The following FBN2 variants were observed in gnomAD, a reference collection of about 807,000 sequenced individuals.
The protein encoded by FBN2 is fibrillin-2.
A neutral mutation model predicts 355.6 loss-of-function variants in FBN2; 105 were observed. The ratio of observed to expected loss-of-function variants is 0.30; its 90% CI spans 0.25 to 0.35. FBN2 has a LOEUF of 0.35. Ranked by LOEUF, FBN2 falls within the 10% of genes least tolerant of loss-of-function variation. The pLI is 1.00. For synonymous variants in FBN2, 1,350 were observed against 1,301.2 expected, an observed-to-expected ratio of 1.04 and a Z score of -0.81; for missense variants, 3,280 against 3,758.7, an observed-to-expected ratio of 0.87 and a Z score of 3.33.
intron 11 of FBN2, among the ~76,000 whole-genome samples, chr5:128,379,138 T>C (rs1170833091): frequency 6.6e-6 from 1 of 152,146 alleles, no homozygotes. Context: ...TTAAAGATTT[T>C]TCAGTTGGAA....
rs1389826094 is a variant in FBN2, at chr5:128,357,269, A to G, written c.2674+7T>C. The stretch of plus-strand genomic sequence containing the variant: ...ATTGAAGCATCAGTATTGTGTATGA[A>G]TCTTACCAATACAGATCAATCCTGT... On this transcript the variant is annotated splice_region_variant and intron_variant, in intron 20 of 64. Coordinates refer to ENST00000262464, the MANE Select transcript of FBN2 (RefSeq NM_001999.4). 1 of 1,613,784 alleles carries G rather than the reference A, an allele frequency of 6.2e-7. No individual in the cohort carries two copies. Among genetic ancestry groups the G allele is most frequent in the Non-Finnish European group, 8.5e-7 (1 of 1,179,708 alleles).
chr5:128,329,133 G>A (rs955971317), intron 33 of FBN2, among the ~76,000 whole-genome samples: 3 of 152,072 alleles, frequency 2.0e-5, no homozygotes, highest in African/African-American at 7.2e-5. Flanking sequence ...TCAGTAGTAT[G>A]CCAACATTAT....
Position 128,393,305 on chromosome 5 carries a change from G to T in FBN2, c.1295C>A (p.Ser432Tyr), listed in dbSNP as rs1324648329. The T allele has an allele frequency of 3.7e-6, 6 of 1,614,172 alleles. No homozygotes were observed. The highest frequency in any genetic ancestry group is 5.1e-6 in the Non-Finnish European group (6 of 1,180,022). Residue 432 changes from serine (S) to tyrosine (Y), a missense_variant, in exon 10 of 65, where the codon TCC (serine) becomes TAC (tyrosine). Coordinates refer to ENST00000262464, the MANE Select transcript of FBN2 (RefSeq NM_001999.4). Reference protein sequence around the residue: ...PMGGIPGSAGSRPGGTGGNGF... With the variant: ...PMGGIPGSAGYRPGGTGGNGF... ...ATTTCCCCCAGTGCCTCCAGGTCTG[G>T]AACCAGCACTCCCTGGAATTCCTCC...
In FBN2 at chr5:128,331,826, C is replaced by A. The variant is rs368738643; in HGVS notation, c.4222+1086G>T. 1.3e-5 allele frequency among the ~76,000 whole-genome samples: 2 copies of A among 152,068 alleles called. 1 individual carries two copies. The highest frequency in any genetic ancestry group is 4.1e-4 in the South Asian group (2 of 4,832). On this transcript the variant is annotated intron_variant, in intron 32 of 64. Coordinates refer to ENST00000262464, the MANE Select transcript of FBN2 (RefSeq NM_001999.4). ...ACAGCTGAATGTCTTGTATCAGAGGCAGGCTGTTTTGCAATAGTTGGCCAA... is the reference window on the plus strand; with the variant it reads ...ACAGCTGAATGTCTTGTATCAGAGGAAGGCTGTTTTGCAATAGTTGGCCAA...
intron 7 of FBN2, among the ~76,000 whole-genome samples, chr5:128,412,310 T>C (rs1753089924): frequency 6.6e-6 from 1 of 152,228 alleles, no homozygotes; most frequent in Non-Finnish European, 1.5e-5. Flanking sequence ...GGGAGCAAAA[T>C]GGATACAGCA....
chr5:128,446,415 A>C (rs537866001), intron 7 of FBN2, 66 bp downstream of exon 7: 1 of 1,553,940 alleles, frequency 6.4e-7, no homozygotes, highest in Non-Finnish European at 8.8e-7. Flanking sequence ...AAAATTTCAA[A>C]TGAAGTCCTG....
intron 5 of FBN2, among the ~76,000 whole-genome samples, chr5:128,470,167 T>C (rs1484704921): frequency 2.0e-5 from 3 of 152,022 alleles, no homozygotes; most frequent in Non-Finnish European, 1.5e-5. Flanking sequence ...CAACAGGAGA[T>C]TGTACTCCCA....
Position 128,259,847 on chromosome 5 carries a change from A to G in FBN2, c.8365-18T>C. On this transcript the variant is annotated intron_variant, in intron 64 of 64. Coordinates refer to ENST00000262464, the MANE Select transcript of FBN2 (RefSeq NM_001999.4). ...TGTTCAACCTGGAGGAAGAACAGGA[A>G]ATGATTTGGGACAAGCTTCTACAGC... The G allele has an allele frequency of 6.2e-7, 1 of 1,613,074 alleles. No individual in the cohort carries two copies. Among genetic ancestry groups the G allele is most frequent in the Non-Finnish European group, 8.5e-7 (1 of 1,179,770 alleles).
At position 128,335,542 on chromosome 5, in the gene FBN2, C is replaced by T. The variant is rs757213689; in HGVS notation, c.3760G>A (p.Asp1254Asn). ...DECMIMNGGCDTQCTNSEGSY... is the reference protein window; with the variant it reads ...DECMIMNGGCNTQCTNSEGSY... ...CCCTCTGAATTTGTGCACTGGGTGT[C>T]ACAGCCTCCGTTCATTATCATACAT... Residue 1254 changes from aspartate to asparagine, a missense_variant, in exon 29 of 65, where the codon GAC (aspartate) becomes AAC (asparagine). Asp to Asn is a conservative substitution (Grantham distance 23, BLOSUM62 1). Coordinates refer to ENST00000262464, the MANE Select transcript of FBN2 (RefSeq NM_001999.4). 1.2e-6 allele frequency: 2 copies of T among 1,614,116 alleles called. No individual in the cohort carries two copies. The highest frequency in any genetic ancestry group is 1.7e-6 in the Non-Finnish European group (2 of 1,179,960).
chr5:128,468,577 C>T (rs889341072), intron 5 of FBN2, among the ~76,000 whole-genome samples: 1 of 152,170 alleles, frequency 6.6e-6, no homozygotes, highest in Admixed American at 6.6e-5. Flanking sequence ...TTTATATTCT[C>T]CTCAGCAATG....
chr5:128,298,081 C>A (rs6889642), intron 48 of FBN2, among the ~76,000 whole-genome samples: 6,190 of 149,196 alleles, frequency 0.041, 388 homozygotes, highest in African/African-American at 0.15. Flanking sequence ...TATTTTATTT[C>A]TCCTTCACTT....
chr5:128,529,652 A>G (rs1756653911), intron 3 of FBN2, among the ~76,000 whole-genome samples: 1 of 152,228 alleles, frequency 6.6e-6, no homozygotes, highest in South Asian at 2.1e-4. Context: ...CCAAAGGCAA[A>G]TATGAGAAAA....
rs959406454 is a variant in FBN2, at chr5:128,351,129, T to A, written c.2675-124A>T. ...AAAGATTACTGGCTCACGCCTGTAA[T>A]CCCAGCACTTTGGGAGGCTGAGGAG... On this transcript the variant is annotated intron_variant, in intron 20 of 64. Coordinates refer to ENST00000262464, the MANE Select transcript of FBN2 (RefSeq NM_001999.4). 5 of 1,182,400 alleles carry A rather than the reference T, an allele frequency of 4.2e-6. No individual in the cohort carries two copies. In the African/African-American group the frequency reaches 7.6e-5, roughly 18 times the overall value. 73.2% of individuals were successfully genotyped at this position (1,182,400 alleles called of 1,614,324 possible). A position where few individuals can be genotyped will look rare whatever the true frequency, so the allele number is the denominator to read the frequency against.
At chr5:128,381,769 T>C (rs1233262858) in intron 11 of FBN2, among the ~76,000 whole-genome samples, 1 of 152,086 alleles carries the variant, frequency 6.6e-6, no homozygotes, top group Non-Finnish European at 1.5e-5. Flanking sequence ...TCAGCTAAGC[T>C]AGGTAGGCTG....
rs558215699 is a variant in FBN2 at position 128,327,669 on chromosome 5, G to A, written c.4471+1027C>T. On this transcript the variant is annotated intron_variant, in intron 34 of 64. Coordinates refer to ENST00000262464, the MANE Select transcript of FBN2 (RefSeq NM_001999.4). Reference sequence around the variant, plus strand: ...TGTTTTTTTTTTTAGACTGAGTTTCGCTCTTGTTGTCCAGTCTGTAGTGCA... The same window carrying A: ...TGTTTTTTTTTTTAGACTGAGTTTCACTCTTGTTGTCCAGTCTGTAGTGCA... Among the ~76,000 whole-genome samples the A allele has an allele frequency of 5.4e-5, 8 of 148,116 alleles. No individual in the cohort carries two copies. In the South Asian group the frequency reaches 1.3e-3, roughly 24 times the overall value.
chr5:128,455,310 A>C (rs1359008758), intron 6 of FBN2, among the ~76,000 whole-genome samples: 1 of 152,354 alleles, frequency 6.6e-6, no homozygotes, highest in East Asian at 1.9e-4. Flanking sequence ...ATATGAGTTA[A>C]CTTTGGTCCT....
intron 11 of FBN2, among the ~76,000 whole-genome samples, chr5:128,379,251 G>C (rs1438021764): frequency 1.3e-5 from 2 of 152,118 alleles, no homozygotes; most frequent in South Asian, 2.1e-4. Flanking sequence ...CTAAGGCTTA[G>C]TAAAGTGCCA....
At position 128,259,189 on chromosome 5, in the gene FBN2, G is replaced by T; in HGVS notation, c.*266C>A. Reference sequence around the variant, plus strand: ...ATTTAGTGCCATATGCTGATATCTTGAACATTTAGGTTTCTTTTAATATAT... The same window carrying T: ...ATTTAGTGCCATATGCTGATATCTTTAACATTTAGGTTTCTTTTAATATAT... On this transcript the variant is annotated 3_prime_UTR_variant, in exon 65 of 65. Coordinates refer to ENST00000262464, the MANE Select transcript of FBN2 (RefSeq NM_001999.4). The T allele has an allele frequency of 2.3e-6, 1 of 430,600 alleles. No individual in the cohort carries two copies. The highest frequency in any genetic ancestry group is 4.2e-5 in the East Asian group (1 of 23,734). The allele number at this position is 430,600 out of a possible 1,614,324, so 26.7% of individuals were successfully genotyped here. A position where few individuals can be genotyped will look rare whatever the true frequency, so the allele number is the denominator to read the frequency against.
At chr5:128,313,673 G>A (rs1408888500) in intron 36 of FBN2, among the ~76,000 whole-genome samples, 1 of 151,572 alleles carries the variant, frequency 6.6e-6, no homozygotes, top group Non-Finnish European at 1.5e-5. Flanking sequence ...CTAACATGGT[G>A]AAAACCCGTC....
Sources: gnomAD v4.1 joint callset for allele counts (sites outside exome capture counted in the v4.1 genomes callset) on GRCh38, gnomAD v4.1.1 for gene constraint, MANE v1.5 for transcripts, NCBI Gene and HGNC (gene_info 2026-07-23, HGNC 2026-07-21) for gene names.